Variants in TUB observed in about 807,000 individuals in gnomAD.
TUB encodes tubby protein homolog.
TUB carries 33 observed loss-of-function variants against 59.7 expected under a neutral mutation model. The ratio of observed to expected loss-of-function variants is 0.55; its 90% CI spans 0.42 to 0.74. The LOEUF (loss-of-function observed/expected upper bound fraction) is 0.74, where lower values mean the gene tolerates loss of function less well. Among genes scored for constraint, TUB ranks in the 30% least tolerant of loss-of-function variants. TUB has a pLI of 0.00. For synonymous variants in TUB, 293 were observed against 256.4 expected (o/e 1.14, Z -1.36); for missense variants, 659 against 672.0 (o/e 0.98, Z 0.21).
At chr11:8,039,700 G>A in intron 2 of TUB, 1 of 1,525,536 alleles carries the variant, frequency 6.6e-7, no homozygotes, top group Non-Finnish European at 8.8e-7. Context: ...TCGGTGAGCT[G>A]GAGGGGAGGA....
At chr11:8,045,501 G>A (rs1359491578) in intron 2 of TUB, among the ~76,000 whole-genome samples, 1 of 152,112 alleles carries the variant, frequency 6.6e-6, no homozygotes, top group Non-Finnish European at 1.5e-5. Context: ...GCTTTGTTCT[G>A]ACAAACAATT....
chr11:8,054,009 G>T (rs2133759341), intron 2 of TUB, among the ~76,000 whole-genome samples: 1 of 151,876 alleles, frequency 6.6e-6, no homozygotes, highest in Middle Eastern at 3.4e-3. Flanking sequence ...CAGCTACTCG[G>T]GAGGCTGAGG....
rs750026822 is a variant in TUB, at chr11:8,081,488, C to T, written c.-23C>T. The stretch of plus-strand genomic sequence containing the variant: ...CGGGCCCCGGCCTCCAGAGCCGCAG[C>T]CACCGCCCCGCCCCCGAGAGACATG... On this transcript the variant is annotated 5_prime_UTR_variant, in exon 1 of 12. Coordinates refer to ENST00000299506, the MANE Select transcript of TUB (RefSeq NM_177972.3). The T allele has an allele frequency of 9.4e-5, 142 of 1,508,016 alleles. No individual in the cohort carries two copies. Among genetic ancestry groups the T allele is most frequent in the Non-Finnish European group, 1.2e-4 (133 of 1,135,172 alleles). 93.4% of individuals were successfully genotyped at this position (1,508,016 alleles called of 1,614,324 possible). A position where few individuals can be genotyped will look rare whatever the true frequency, so the allele number is the denominator to read the frequency against.
At chr11:8,097,632 A>G in intron 7 of TUB, 82 bp from the exon 8 acceptor site, 2 of 1,360,882 alleles carry the variant, frequency 1.5e-6, no homozygotes, top group Middle Eastern at 1.8e-4. Context: ...GACGCAACGG[A>G]GAGAGTCTGT....
intron 2 of TUB, among the ~76,000 whole-genome samples, chr11:8,044,601 A>G (rs919980162): frequency 5.3e-5 from 8 of 152,214 alleles, no homozygotes; most frequent in Non-Finnish European, 1.2e-4. Context: ...AACTCTCTAG[A>G]TGCCAACTGA....
chr11:8,099,992 C>T (rs1233239806), intron 9 of TUB, among the ~76,000 whole-genome samples: 1 of 152,186 alleles, frequency 6.6e-6, no homozygotes, highest in Non-Finnish European at 1.5e-5. Context: ...CTGGAGAGTT[C>T]TGAGCAGAGG....
At chr11:8,027,250 A>G (rs547247504) in intron 1 of TUB, among the ~76,000 whole-genome samples, 55 of 152,196 alleles carry the variant, frequency 3.6e-4, no homozygotes, top group African/African-American at 1.3e-3. Context: ...GAAACTCTCT[A>G]CCCATTAAGA....
chr11:8,088,522 C>G (rs988985888), intron 1 of TUB, among the ~76,000 whole-genome samples: 2 of 152,238 alleles, frequency 1.3e-5, no homozygotes, highest in African/African-American at 2.4e-5. Context: ...TATTCACACA[C>G]TTCCTTATGG....
intron 2 of TUB, among the ~76,000 whole-genome samples, chr11:8,051,611 A>T (rs1942936354): frequency 1.3e-5 from 2 of 152,326 alleles, no homozygotes; most frequent in Middle Eastern, 6.8e-3. Flanking sequence ...TCCGCACAGT[A>T]TCTGAAGGGC....
At chr11:8,027,975 G>A (rs779908353) in intron 1 of TUB, among the ~76,000 whole-genome samples, 15 of 152,174 alleles carry the variant, frequency 9.9e-5, no homozygotes, top group Non-Finnish European at 1.6e-4. Context: ...ATTGCTGTTT[G>A]GTAATGATAA....
intron 1 of TUB, among the ~76,000 whole-genome samples, chr11:8,087,728 T>C (rs1254191236): frequency 1.3e-5 from 2 of 152,266 alleles, no homozygotes; most frequent in Admixed American, 1.3e-4. Context: ...GGCAAATGCT[T>C]TGACTTTGCT....
intron 2 of TUB, among the ~76,000 whole-genome samples, chr11:8,059,750 G>T (rs1038809200): frequency 2.0e-5 from 3 of 152,184 alleles, no homozygotes; most frequent in Non-Finnish European, 4.4e-5. Context: ...GAAGAGCTTG[G>T]TTTGTATCCT....
At chr11:8,086,675 G>A in intron 1 of TUB, among the ~76,000 whole-genome samples, 1 of 152,122 alleles carries the variant, frequency 6.6e-6, no homozygotes, top group Non-Finnish European at 1.5e-5. Context: ...CATTTTAGTA[G>A]ATTTAGTGTA....
upstream of TUB, among the ~76,000 whole-genome samples, chr11:8,080,170 G>T (rs564402336): frequency 6.6e-6 from 1 of 152,308 alleles, no homozygotes; most frequent in East Asian, 1.9e-4. Flanking sequence ...TTTATCATCA[G>T]AAGATCCCCG....
At chr11:8,037,653 A>AG (rs1367459844), upstream of TUB, among the ~76,000 whole-genome samples, 3 of 152,148 alleles carry the variant, frequency 2.0e-5, no homozygotes, top group Non-Finnish European at 4.4e-5. Flanking sequence ...GAGGGGAAGT[A>AG]GTGGGGCTGG....
intron 1 of TUB, among the ~76,000 whole-genome samples, chr11:8,088,556 G>A (rs1348948561): frequency 6.6e-6 from 1 of 152,122 alleles, no homozygotes; most frequent in Non-Finnish European, 1.5e-5. Flanking sequence ...TAATGCACTC[G>A]GGCACGCCTG....
At chr11:8,059,638 G>A (rs1943084346) in intron 2 of TUB, among the ~76,000 whole-genome samples, 1 of 152,104 alleles carries the variant, frequency 6.6e-6, no homozygotes, top group Admixed American at 6.5e-5. Context: ...GATCTGCCGG[G>A]AGTTTAGGAG....
intron 1 of TUB, among the ~76,000 whole-genome samples, chr11:8,088,442 G>A (rs572039841): frequency 1.6e-4 from 25 of 152,324 alleles, no homozygotes; most frequent in African/African-American, 5.3e-4. Context: ...CACGCACACT[G>A]CGCTCACCTT....
At position 8,086,272 on chromosome 11, in the gene TUB, A is replaced by G. The variant is rs571814272; in HGVS notation, c.39-3338A>G. ...GTGTGGTTATCGTTTAGGTCAGCCTAGAACAGGGCCCATCAGAAACAGGCA... is the reference window on the plus strand; with the variant it reads ...GTGTGGTTATCGTTTAGGTCAGCCTGGAACAGGGCCCATCAGAAACAGGCA... On this transcript the variant is annotated intron_variant, in intron 1 of 11. Transcript: ENST00000299506. 1.4e-4 allele frequency among the ~76,000 whole-genome samples: 21 copies of G among 152,332 alleles called. No individual in the cohort carries two copies. In the South Asian group the frequency reaches 3.7e-3, roughly 27 times the overall value.
Sources: gnomAD v4.1 joint callset for allele counts (sites outside exome capture counted in the v4.1 genomes callset) on GRCh38, gnomAD v4.1.1 for gene constraint, MANE v1.5 for transcripts, NCBI Gene and HGNC (gene_info 2026-07-23, HGNC 2026-07-21) for gene names.